Variants in GP2 observed in about 807,000 individuals in gnomAD.
The protein encoded by GP2 is pancreatic secretory granule membrane major glycoprotein GP2.
A neutral mutation model predicts 60.8 loss-of-function variants in GP2; 58 were observed. The observed-to-expected ratio is 0.95, with a 90% CI of 0.77 to 1.19. GP2 has a LOEUF of 1.19. Among genes scored for constraint, GP2 ranks in the 50% most tolerant of loss-of-function variants. GP2 has a pLI of 0.00. For missense variants in GP2, 647 were observed against 667.4 expected (o/e 0.97, Z 0.34); for synonymous variants, 280 against 253.4 (o/e 1.10, Z -1.00).
rs1434326830 is a variant in GP2, at chr16:20,316,043, G to C, written c.1417-3C>G. ...CGGACTTGACTTCTTGAGCAAGACTGTAGGGATGATGAACTTTTATTATAT... is the reference window on the plus strand; with the variant it reads ...CGGACTTGACTTCTTGAGCAAGACTCTAGGGATGATGAACTTTTATTATAT... On this transcript the variant is annotated splice_polypyrimidine_tract_variant and splice_region_variant and intron_variant, in intron 8 of 10. Transcript: ENST00000302555. 4.4e-6 allele frequency: 7 copies of C among 1,592,890 alleles called. No homozygotes were observed. The highest frequency in any genetic ancestry group is 5.2e-6 in the Non-Finnish European group (6 of 1,160,776).
In GP2 at chr16:20,320,368, G is replaced by T; in HGVS notation, c.752C>A (p.Ala251Asp). The T allele has an allele frequency of 6.2e-7, 1 of 1,613,356 alleles. No individual in the cohort carries two copies. The highest frequency in any genetic ancestry group is 1.1e-5 in the South Asian group (1 of 91,060). ...GCTGCAGTTTGGGTCTCGCAGGTAGGCAATGACCTCCTCCCCCAAACCCAG... is the reference window on the plus strand; with the variant it reads ...GCTGCAGTTTGGGTCTCGCAGGTAGTCAATGACCTCCTCCCCCAAACCCAG... ...GGLGLGEEVI[A>D]YLRDPNCSSI... The change falls in exon 5 of 11, where the codon GCC (alanine) becomes GAC (aspartate). Residue 251 changes from alanine to aspartate, a missense_variant. Transcript: ENST00000302555.
At chr16:20,327,301 A>T in intron 1 of GP2, 166 bp downstream of exon 1, 1 of 365,688 alleles carries the variant, frequency 2.7e-6, no homozygotes, top group Non-Finnish European at 5.2e-6. Context: ...TGGAAGCATG[A>T]CTGAGTTGGA....
rs1053712544 is a variant in GP2 at position 20,322,932 on chromosome 16, C to G, written c.583G>C (p.Glu195Gln). 6.2e-7 allele frequency: 1 copy of G among 1,613,408 alleles called. No individual in the cohort carries two copies. Among genetic ancestry groups the G allele is most frequent in the East Asian group, 2.2e-5 (1 of 44,878 alleles). Residue 195 changes from glutamate (E) to glutamine (Q), a missense_variant, in exon 4 of 11, where the codon GAG (glutamate) becomes CAG (glutamine). Transcript: ENST00000302555. ...DKCEKACRPE[E>Q]ECLALNSTWG... ...GTGCTGTTGAGGGCAAGGCACTCCT[C>G]CTCGGGGCGGCAGGCCTTCTCACAC...
Position 20,319,695 on chromosome 16 carries a change from A to T in GP2, c.932T>A (p.Leu311His). 1.2e-6 allele frequency: 2 copies of T among 1,608,546 alleles called. No individual in the cohort carries two copies. The highest frequency in any genetic ancestry group is 1.7e-6 in the Non-Finnish European group (2 of 1,174,868). Residue 311 changes from leucine to histidine, a missense_variant, in exon 6 of 11, where the codon CTC (leucine) becomes CAC (histidine). Transcript: ENST00000302555. ...GTAGGCACATTGGAAGTTGATGTTG[A>T]GGATGGTGTCTCTGATGATGAAATC... ...VNDFIIRDTI[L>H]NINFQCAYPL...
intron 1 of GP2, chr16:20,327,214 G>A (rs1228973074): frequency 1.6e-5 from 5 of 317,660 alleles, no homozygotes; most frequent in Non-Finnish European, 3.1e-5. Context: ...GATCCCAATA[G>A]AGACCTAGTT....
intron 10 of GP2, among the ~76,000 whole-genome samples, chr16:20,311,893 C>T (rs1964006192): frequency 6.6e-6 from 1 of 152,226 alleles, no homozygotes. Flanking sequence ...AAAGCACTGC[C>T]TCTGATGCCT....
At chr16:20,316,319 G>T (rs1462562138) in intron 8 of GP2, among the ~76,000 whole-genome samples, 1 of 152,174 alleles carries the variant, frequency 6.6e-6, no homozygotes, top group Non-Finnish European at 1.5e-5. Flanking sequence ...TACCTACCTG[G>T]TTGTGAAGAT....
In GP2 at chr16:20,311,262, A is replaced by G. The variant is rs760878004; in HGVS notation, c.1566T>C (p.Pro522=). 4.4e-6 allele frequency: 7 copies of G among 1,607,690 alleles called. No homozygotes were observed. Among genetic ancestry groups the G allele is most frequent in the South Asian group, 2.2e-5 (2 of 90,968 alleles). Residue 522 remains proline (P), a synonymous_variant, in exon 11 of 11, where the codon CCT becomes CCC. Coordinates refer to ENST00000302555, the MANE Select transcript of GP2 (RefSeq NM_001502.4). ...CCAGGAGGACAGTCAGGAGGACCAT[A>G]GGCCAGGCCACCAGGAACCCTGAAA... ...PSTAGFLVAW[P]MVLLTVLLAW...
Position 20,324,131 on chromosome 16 carries a change from G to A in GP2, c.220C>T (p.Arg74Ter), listed in dbSNP as rs747157510. ...GACCCTGCTGAGTTCTCTGTGCTTCGGAAGGGTTCATCCAGGAGGGTGTAA... is the reference window on the plus strand; with the variant it reads ...GACCCTGCTGAGTTCTCTGTGCTTCAGAAGGGTTCATCCAGGAGGGTGTAA... ...QNYTLLDEPF[R>*]STENSAGSQG... The change falls in exon 3 of 11, where the codon CGA becomes TGA. Residue 74 changes from arginine to a stop codon, truncating the protein, a stop_gained. Coordinates refer to ENST00000302555, the MANE Select transcript of GP2 (RefSeq NM_001502.4). LOFTEE classifies it high-confidence loss of function. 8.1e-6 allele frequency: 13 copies of A among 1,613,886 alleles called. No homozygotes were observed. Among genetic ancestry groups the A allele is most frequent in the South Asian group, 3.3e-5 (3 of 91,076 alleles).
rs1383804419 is a variant in GP2 at position 20,323,819 on chromosome 16, T to A, written c.532A>T (p.Thr178Ser). The part of the protein sequence containing the change: ...GTPWCNLRYC[T>S]DPSTVEDKCE... ...CCTCCAGGGCTCTGCTGCTCACCTG[T>A]GCAGTATCTCAGATTACACCAGGGA... is the stretch of plus-strand genomic sequence containing the variant. Residue 178 changes from threonine to serine, a missense_variant, in exon 3 of 11, where the codon ACA becomes TCA. Thr to Ser is a moderately conservative substitution (Grantham distance 58). Transcript: ENST00000302555. 1.2e-6 allele frequency: 2 copies of A among 1,604,868 alleles called. No homozygotes were observed. Among genetic ancestry groups the A allele is most frequent in the Non-Finnish European group, 1.7e-6 (2 of 1,174,244 alleles).
In GP2 at chr16:20,326,378, C is replaced by A; in HGVS notation, c.54G>T (p.Leu18Phe). 1 of 1,613,804 alleles carries A rather than the reference C, an allele frequency of 6.2e-7. No individual in the cohort carries two copies. The highest frequency in any genetic ancestry group is 2.2e-5 in the East Asian group (1 of 44,876). ...MVGSGLLWLA[L>F]VSCILTQASA... Reference sequence around the variant, plus strand: ...ATGCCTGGGTCAGAATGCAGGAGACCAAGGCCAGCCACAGGAGGCCAGAGC... The same window carrying A: ...ATGCCTGGGTCAGAATGCAGGAGACAAAGGCCAGCCACAGGAGGCCAGAGC... The change falls in exon 2 of 11, where the codon TTG becomes TTT. Residue 18 changes from leucine to phenylalanine, a missense_variant. Coordinates refer to ENST00000302555, the MANE Select transcript of GP2 (RefSeq NM_001502.4).
intron 4 of GP2, among the ~76,000 whole-genome samples, chr16:20,321,048 T>C (rs909946001): frequency 7.6e-6 from 1 of 132,004 alleles, no homozygotes; most frequent in Admixed American, 7.5e-5. Context: ...TCTCTCTGTC[T>C]CTCTTTTTTT....
At chr16:20,315,915 A>G (rs777384859) in intron 9 of GP2, 41 bp downstream of exon 9, 2 of 1,274,618 alleles carry the variant, frequency 1.6e-6, no homozygotes, top group South Asian at 2.4e-5. Flanking sequence ...AACTGTCAAC[A>G]CTCAGCCAGC....
chr16:20,311,640 C>A (rs746443359), intron 10 of GP2, among the ~76,000 whole-genome samples: 1 of 152,178 alleles, frequency 6.6e-6, no homozygotes, highest in Non-Finnish European at 1.5e-5. Flanking sequence ...ATCTAGGGAG[C>A]AGATGCAGAG....
At position 20,309,801 on chromosome 16, in the gene GP2, G is replaced by C. The variant is rs959523342; in HGVS notation, c.*1422C>G. 6.6e-6 allele frequency: 1 copy of C among 152,132 alleles called. No homozygotes were observed. The highest frequency in any genetic ancestry group is 1.5e-5 in the Non-Finnish European group (1 of 68,040). 9.4% of individuals were successfully genotyped at this position (152,132 alleles called of 1,614,324 possible). ...TGTATCTCTTGCACTGGAACTTTGTGCTCTTATGTCCTTATAATTAACTCC... is the reference window on the plus strand; with the variant it reads ...TGTATCTCTTGCACTGGAACTTTGTCCTCTTATGTCCTTATAATTAACTCC... On this transcript the variant is annotated 3_prime_UTR_variant, in exon 11 of 11. Coordinates refer to ENST00000302555, the MANE Select transcript of GP2 (RefSeq NM_001502.4).
At chr16:20,326,258 G>A in intron 2 of GP2, 80 bp downstream of exon 2, 4 of 1,341,494 alleles carry the variant, frequency 3.0e-6, no homozygotes, top group Middle Eastern at 1.8e-4. Flanking sequence ...TTCCTTACCT[G>A]AGCCACCTTC....
At chr16:20,325,564 T>C (rs1964509784) in intron 2 of GP2, among the ~76,000 whole-genome samples, 1 of 152,206 alleles carries the variant, frequency 6.6e-6, no homozygotes, top group Non-Finnish European at 1.5e-5. Context: ...TGTGATAATA[T>C]GTGTAAAATG....
chr16:20,312,386 A>G (rs1216576648), intron 10 of GP2, among the ~76,000 whole-genome samples: 2 of 152,228 alleles, frequency 1.3e-5, no homozygotes, highest in Non-Finnish European at 2.9e-5. Context: ...TTATAATTAT[A>G]AAAACAGGTT....
chr16:20,323,307 C>G, intron 3 of GP2: 1 of 712,610 alleles, frequency 1.4e-6, no homozygotes, highest in East Asian at 2.7e-5. Flanking sequence ...CTGTACCATG[C>G]TCCAGCTCTG....
Sources: allele counts gnomAD v4.1 joint callset (sites outside exome capture counted in the v4.1 genomes callset), GRCh38; gene constraint gnomAD v4.1.1; transcripts MANE v1.5; gene names NCBI Gene and HGNC (gene_info 2026-07-23, HGNC 2026-07-21).